DCAF8L2: variants seen among roughly 807,000 people sequenced by gnomAD.
DCAF8L2 encodes DDB1 and CUL4 associated factor 8 like 2.
For missense variants in DCAF8L2, 430 were observed against 490.7 expected (o/e 0.88, Z 1.17); for synonymous variants, 200 against 190.9 (o/e 1.05, Z -0.39).
chrX:27,511,555 G>A, the DCAF8L2 span, among the ~76,000 whole-genome samples: 2 of 112,281 alleles, frequency 1.8e-5, no homozygotes, highest in Non-Finnish European at 3.8e-5. Flanking sequence ...AGAAGGTAAT[G>A]TGTTATGATA....
At chrX:27,500,716 G>T in the DCAF8L2 span, among the ~76,000 whole-genome samples, 1 of 111,514 alleles carries the variant, frequency 9.0e-6, no homozygotes, top group South Asian at 3.8e-4. Context: ...AAGTCTCAAA[G>T]GAAAGTTTCT....
At chrX:27,587,985 A>AAAAAAATATATATATATATATAT, upstream of DCAF8L2, among the ~76,000 whole-genome samples, 5 of 22,348 alleles carry the variant, frequency 2.2e-4, no homozygotes, top group Admixed American at 6.3e-4. Flanking sequence ...TAAAAAAAAA[A>AAAAAAATATATATATATATATAT]ATATATATAT....
chrX:27,505,142 C>T, the DCAF8L2 span, among the ~76,000 whole-genome samples: 4 of 111,424 alleles, frequency 3.6e-5, no homozygotes, highest in Admixed American at 3.8e-4. Context: ...TTTAAGCAGG[C>T]TAAGTACCTT....
At chrX:27,733,555 C>G (rs1015924566) in intron 4 of DCAF8L2, among the ~76,000 whole-genome samples, 1 of 111,375 alleles carries the variant, frequency 9.0e-6, no homozygotes, top group African/African-American at 3.3e-5. Flanking sequence ...TTTATGTTTG[C>G]TTTTGTTGCT....
the DCAF8L2 span, among the ~76,000 whole-genome samples, chrX:27,575,001 G>A: frequency 2.6e-4 from 29 of 111,945 alleles, no homozygotes; most frequent in Middle Eastern, 0.023. Flanking sequence ...TTGCTATGCC[G>A]GATGAATCGG....
At chrX:27,551,535 T>G in the DCAF8L2 span, among the ~76,000 whole-genome samples, 1 of 111,801 alleles carries the variant, frequency 8.9e-6, no homozygotes, top group South Asian at 3.7e-4. Context: ...ATTTACTTTG[T>G]TGCAATGGTC....
the DCAF8L2 span, chrX:27,519,793 T>A: frequency 2.0e-6 from 1 of 503,652 alleles, no homozygotes; most frequent in Non-Finnish European, 3.6e-6. Context: ...CTGATTTTTT[T>A]AAAGGTTAAA....
chrX:27,502,334 AAATATATATATATATATATATAT>A, the DCAF8L2 span, among the ~76,000 whole-genome samples: 7 of 24,970 alleles, frequency 2.8e-4, no homozygotes, highest in Admixed American at 6.8e-4. Flanking sequence ...AAAAAAAAAA[AAATATATATATATATATATATAT>A]ATATATATAT....
At chrX:27,480,196 G>A in the DCAF8L2 span, among the ~76,000 whole-genome samples, 2 of 112,126 alleles carry the variant, frequency 1.8e-5, no homozygotes, top group African/African-American at 6.5e-5. Context: ...GACATTAGAG[G>A]TACAACACTA....
At chrX:27,598,382 G>T (rs946781730) in intron 1 of DCAF8L2, among the ~76,000 whole-genome samples, 7 of 112,312 alleles carry the variant, frequency 6.2e-5, no homozygotes, top group Non-Finnish European at 1.3e-4. Flanking sequence ...GATGGGGCGG[G>T]TTAAGAGAGA....
chrX:27,500,292 G>A, the DCAF8L2 span, among the ~76,000 whole-genome samples: 30 of 111,281 alleles, frequency 2.7e-4, no homozygotes, highest in Non-Finnish European at 2.3e-4. Flanking sequence ...AAGCAATCAA[G>A]GGAAGCATCA....
At chrX:27,709,898 T>C (rs1202546017) in intron 3 of DCAF8L2, among the ~76,000 whole-genome samples, 1 of 111,577 alleles carries the variant, frequency 9.0e-6, no homozygotes, top group African/African-American at 3.3e-5. Context: ...TTTTGCTTTA[T>C]GATTATGCTT....
rs975693400 is a variant in DCAF8L2, at chrX:27,677,824, C to G, written c.-219-12C>G. The G allele has an allele frequency of 1.8e-5, 2 of 111,699 alleles. No homozygotes were observed. The highest frequency in any genetic ancestry group is 6.5e-5 in the African/African-American group (2 of 30,750). The allele number at this position is 111,699 out of a possible 1,213,427, so 9.2% of individuals were successfully genotyped here. A position where few individuals can be genotyped will look rare whatever the true frequency, so the allele number is the denominator to read the frequency against. ...AATGAGACACTGACTCTAACTGTTG[C>G]TGCTTTTGCAGATGTGTTTTCTTAA... On this transcript the variant is annotated splice_polypyrimidine_tract_variant and intron_variant, in intron 2 of 4. Coordinates refer to ENST00000451261, the MANE Select transcript of DCAF8L2 (RefSeq NM_001353450.2).
the DCAF8L2 span, among the ~76,000 whole-genome samples, chrX:27,562,454 A>T: frequency 8.9e-6 from 1 of 112,309 alleles, no homozygotes; most frequent in Non-Finnish European, 1.9e-5. Flanking sequence ...CCAGCTCTAA[A>T]ACACCATCTT....
chrX:27,487,264 C>CTTTTGTTTTG, the DCAF8L2 span, among the ~76,000 whole-genome samples: 27 of 105,661 alleles, frequency 2.6e-4, no homozygotes, highest in African/African-American at 8.2e-4. Flanking sequence ...TCTGATTTTA[C>CTTTTGTTTTG]TTTTGTTTTG....
intron 3 of DCAF8L2, among the ~76,000 whole-genome samples, chrX:27,708,041 AT>A (rs764760803): frequency 3.6e-5 from 4 of 111,115 alleles, no homozygotes; most frequent in African/African-American, 1.3e-4. Context: ...TGTGATGTAC[AT>A]GTGAAAGTTT....
intron 1 of DCAF8L2, among the ~76,000 whole-genome samples, chrX:27,598,972 A>T (rs201472254): frequency 0.11 from 8,943 of 80,839 alleles, 541 homozygotes; most frequent in East Asian, 0.33. Context: ...AAAAAAAAAA[A>T]AAATATATAT....
chrX:27,582,545 T>C, the DCAF8L2 span, among the ~76,000 whole-genome samples: 2 of 111,629 alleles, frequency 1.8e-5, no homozygotes, highest in Non-Finnish European at 3.8e-5. Flanking sequence ...TTTTTCATGA[T>C]TTGAATGAAG....
At chrX:27,515,052 T>G in the DCAF8L2 span, among the ~76,000 whole-genome samples, 2 of 111,929 alleles carry the variant, frequency 1.8e-5, no homozygotes, top group African/African-American at 3.2e-5. Context: ...CCACAAAAAA[T>G]TTATGTTTAA....
Sources: allele counts gnomAD v4.1 joint callset (sites outside exome capture counted in the v4.1 genomes callset), GRCh38; gene constraint gnomAD v4.1.1; transcripts MANE v1.5; gene names NCBI Gene and HGNC (gene_info 2026-07-23, HGNC 2026-07-21).